The following DTWD2 variants were observed in gnomAD, a reference collection of about 807,000 sequenced individuals.
DTWD2 encodes the protein DTW motif tRNA-uridine aminocarboxypropyltransferase 2, also known as tRNA-uridine aminocarboxypropyltransferase 2.
DTWD2 carries 39 observed loss-of-function variants against 31.8 expected under a neutral mutation model. That is an observed-to-expected ratio of 1.22 (90% CI 0.95 to 1.60). The LOEUF is 1.60. Among genes scored for constraint, DTWD2 ranks in the 40% most tolerant of loss-of-function variants. DTWD2 has a pLI of 0.00. For missense variants in DTWD2, 515 were observed against 381.5 expected (o/e 1.35, Z -2.92); for synonymous variants, 180 against 142.8 (o/e 1.26, Z -1.86).
chr5:118,921,515 A>G (rs1006837130), intron 4 of DTWD2, among the ~76,000 whole-genome samples: 1 of 148,740 alleles, frequency 6.7e-6, no homozygotes, highest in Admixed American at 6.7e-5. Flanking sequence ...GCAAGACCCC[A>G]TCTCTTAAAA....
intron 1 of DTWD2, among the ~76,000 whole-genome samples, chr5:118,953,437 T>TC (rs1161469258): frequency 1.3e-5 from 2 of 152,078 alleles, no homozygotes; most frequent in Non-Finnish European, 1.5e-5. Flanking sequence ...CCAAAACCCT[T>TC]CCCCCTGCAT....
chr5:118,900,256 G>A (rs1425897137), intron 4 of DTWD2, among the ~76,000 whole-genome samples: 1 of 152,058 alleles, frequency 6.6e-6, no homozygotes, highest in Non-Finnish European at 1.5e-5. Context: ...CAGGAACTGG[G>A]GTTATTACAG....
chr5:118,988,120 G>A (rs776832300), intron 1 of DTWD2, 174 bp downstream of exon 1: 4 of 782,468 alleles, frequency 5.1e-6, no homozygotes, highest in South Asian at 4.3e-5. Flanking sequence ...CTGGAAAAAG[G>A]GCTTCTTACT....
At chr5:118,948,580 G>A (rs528206165) in intron 1 of DTWD2, among the ~76,000 whole-genome samples, 41 of 152,254 alleles carry the variant, frequency 2.7e-4, no homozygotes, top group African/African-American at 7.7e-4. Flanking sequence ...AGAGAGACAC[G>A]GTCATGGGGG....
In DTWD2 at chr5:118,848,208, T is replaced by C. The variant is rs189285497; in HGVS notation, c.608A>G (p.Lys203Arg). Residue 203 changes from lysine (K) to arginine (R), a missense_variant, in exon 5 of 6, where the codon AAA (lysine) becomes AGA (arginine). Coordinates refer to ENST00000510708, the MANE Select transcript of DTWD2 (RefSeq NM_173666.4). ...LFRHPKQVQL[K>R]TSISSQYVIR... ...TACATACTGACTAGAAATGCTAGTT[T>C]TTAATTGCACCTGAAATCAAAAACA... is the stretch of plus-strand genomic sequence containing the variant. The C allele has an allele frequency of 6.3e-7, 1 of 1,588,498 alleles. No homozygotes were observed. Among genetic ancestry groups the C allele is most frequent in the Admixed American group, 1.9e-5 (1 of 53,494 alleles).
chr5:118,954,938 T>C (rs1430369471), intron 1 of DTWD2, among the ~76,000 whole-genome samples: 1 of 152,196 alleles, frequency 6.6e-6, no homozygotes, highest in African/African-American at 2.4e-5. Context: ...ATTTCTCCTT[T>C]ATGCCCTCTC....
chr5:118,911,037 A>C (rs1327427324), intron 4 of DTWD2, among the ~76,000 whole-genome samples: 1 of 152,236 alleles, frequency 6.6e-6, no homozygotes, highest in African/African-American at 2.4e-5. Context: ...AAAATTTTGA[A>C]GAGACATAAA....
chr5:118,903,670 A>G (rs1196098433), intron 4 of DTWD2, among the ~76,000 whole-genome samples: 2 of 152,044 alleles, frequency 1.3e-5, no homozygotes, highest in African/African-American at 4.8e-5. Flanking sequence ...TTAAAAGCTC[A>G]TTAAGTATTA....
chr5:118,985,874 A>G (rs1465314294), intron 1 of DTWD2, among the ~76,000 whole-genome samples: 2 of 152,160 alleles, frequency 1.3e-5, no homozygotes, highest in Non-Finnish European at 2.9e-5. Context: ...TTCATTACCT[A>G]TAATTTGAAA....
At chr5:118,910,830 G>A (rs1753442622) in intron 4 of DTWD2, among the ~76,000 whole-genome samples, 1 of 152,174 alleles carries the variant, frequency 6.6e-6, no homozygotes, top group Admixed American at 6.5e-5. Flanking sequence ...CAGCAGATCT[G>A]GTGTCTGGTA....
intron 1 of DTWD2, among the ~76,000 whole-genome samples, chr5:118,949,756 G>C (rs1159253109): frequency 6.6e-6 from 1 of 152,136 alleles, no homozygotes; most frequent in Non-Finnish European, 1.5e-5. Flanking sequence ...GGAGACACAA[G>C]GGGAGGATGT....
chr5:118,915,921 A>G (rs1753565587), intron 4 of DTWD2, among the ~76,000 whole-genome samples: 1 of 152,220 alleles, frequency 6.6e-6, no homozygotes, highest in African/African-American at 2.4e-5. Flanking sequence ...TCCAAATAGG[A>G]ACTACTCCAC....
intron 1 of DTWD2, among the ~76,000 whole-genome samples, chr5:118,957,905 T>G (rs959282845): frequency 3.9e-5 from 6 of 152,208 alleles, no homozygotes; most frequent in African/African-American, 1.4e-4. Context: ...ATCTCACCAA[T>G]ACTTCTTCCT....
intron 4 of DTWD2, among the ~76,000 whole-genome samples, chr5:118,864,543 A>C (rs13171240): frequency 1.3e-5 from 2 of 151,160 alleles, no homozygotes; most frequent in Non-Finnish European, 3.0e-5. Flanking sequence ...AAAAAAAAAA[A>C]AGACAGAAGG....
At chr5:118,959,518 A>G (rs1754661633) in intron 1 of DTWD2, among the ~76,000 whole-genome samples, 1 of 152,324 alleles carries the variant, frequency 6.6e-6, no homozygotes. Flanking sequence ...TAAAATGACC[A>G]TATTACCCAA....
intron 4 of DTWD2, among the ~76,000 whole-genome samples, chr5:118,889,491 A>T (rs1752934976): frequency 1.3e-5 from 2 of 152,200 alleles, no homozygotes; most frequent in Admixed American, 1.3e-4. Flanking sequence ...GAAAAAAGCA[A>T]AACAGCAGAT....
chr5:118,971,370 G>C (rs1366625272), intron 1 of DTWD2, among the ~76,000 whole-genome samples: 1 of 151,952 alleles, frequency 6.6e-6, no homozygotes, highest in Non-Finnish European at 1.5e-5. Flanking sequence ...AACCAACAAA[G>C]ATCAAAAAAG....
At chr5:118,842,959 T>C (rs1751754673) in intron 5 of DTWD2, among the ~76,000 whole-genome samples, 1 of 145,398 alleles carries the variant, frequency 6.9e-6, no homozygotes, top group South Asian at 2.2e-4. Flanking sequence ...TCCTCTTTTT[T>C]TTTTTTTTTT....
At chr5:118,899,799 C>CTTT (rs1163738328) in intron 4 of DTWD2, among the ~76,000 whole-genome samples, 25 of 124,898 alleles carry the variant, frequency 2.0e-4, no homozygotes, top group Non-Finnish European at 2.7e-4. Context: ...TTCGTTTTTT[C>CTTT]TTTTTTTTTT....
Sources: allele counts gnomAD v4.1 joint callset (sites outside exome capture counted in the v4.1 genomes callset), GRCh38; gene constraint gnomAD v4.1.1; transcripts MANE v1.5; gene names NCBI Gene and HGNC (gene_info 2026-07-23, HGNC 2026-07-21).